The following ELFN2 variants were observed in gnomAD, a reference collection of about 807,000 sequenced individuals.
ELFN2 encodes extracellular leucine rich repeat and fibronectin type III domain containing 2.
A neutral mutation model predicts 45.5 loss-of-function variants in ELFN2; 17 were observed. That is an observed-to-expected ratio of 0.37 (90% CI 0.26 to 0.56). The LOEUF is 0.56. ELFN2 is among the 20% of genes least tolerant of loss of function. The pLI is 0.77. For missense variants in ELFN2, 922 were observed against 1,183.2 expected (o/e 0.78, Z 3.24); for synonymous variants, 550 against 551.5 (o/e 1.00, Z 0.04).
chr22:37,361,659 C>CCCTAG lies in ELFN2; in HGVS notation n.149-18961_149-18957dup, dbSNP rs202039904. 7.6e-3 allele frequency among the ~76,000 whole-genome samples: 1,162 copies of CCCTAG among 152,300 alleles called. 8 individuals carry two copies. The highest frequency in any genetic ancestry group is 0.031 in the Middle Eastern group (9 of 294). Reference sequence around the variant, plus strand: ...CCATTAACTCAGAGCCCAGGCCTATCCCTAGTATTTCCTAGGCCTGGGCGT... The same window carrying CCCTAG: ...CCATTAACTCAGAGCCCAGGCCTATCCCTAGCCTAGTATTTCCTAGGCCTGGGCGT... On this transcript the variant is annotated intron_variant and non_coding_transcript_variant, in intron 1 of 2. Coordinates refer to ENST00000452946, the Ensembl canonical transcript of ELFN2.
chr22:37,406,608 G>C (rs1289664553), intron 2 of ELFN2, among the ~76,000 whole-genome samples: 1 of 152,090 alleles, frequency 6.6e-6, no homozygotes, highest in Non-Finnish European at 1.5e-5. Flanking sequence ...CTCTGCATCT[G>C]CTCAATTAGG....
chr22:37,398,905 C>A (rs2145668667), intron 2 of ELFN2, among the ~76,000 whole-genome samples: 2 of 152,202 alleles, frequency 1.3e-5, no homozygotes, highest in South Asian at 4.2e-4. Context: ...CAGAACAGCA[C>A]CTCCAAGAAA....
intron 2 of ELFN2, among the ~76,000 whole-genome samples, chr22:37,401,378 T>A (rs1057012195): frequency 1.3e-5 from 2 of 152,166 alleles, no homozygotes; most frequent in Non-Finnish European, 2.9e-5. Context: ...GTCTCACAGC[T>A]CTTAGGCAGC....
chr22:37,415,673 T>C (rs1932752649), intron 2 of ELFN2, among the ~76,000 whole-genome samples: 1 of 152,188 alleles, frequency 6.6e-6, no homozygotes, highest in African/African-American at 2.4e-5. Context: ...TTAAAAGTAA[T>C]GATGGTGGGC....
chr22:37,374,986 G>C lies in ELFN2; in HGVS notation c.549C>G (p.Ala183=), dbSNP rs773611766. The change falls in exon 3 of 3, where the codon GCC becomes GCG. Residue 183 remains alanine (A), a synonymous_variant. Coordinates refer to ENST00000402918, the MANE Select transcript of ELFN2 (RefSeq NM_052906.5). The part of the protein sequence containing the change: ...SLASLMVCEL[A]GNPFNCECDL... ...CGCACTCACAGTTGAAGGGGTTGCCGGCCAGCTCACACACCATCAGGCTGG... is the reference window on the plus strand; with the variant it reads ...CGCACTCACAGTTGAAGGGGTTGCCCGCCAGCTCACACACCATCAGGCTGG... 1 of 1,613,272 alleles carries C rather than the reference G, an allele frequency of 6.2e-7. No homozygotes were observed. Among genetic ancestry groups the C allele is most frequent in the South Asian group, 1.1e-5 (1 of 91,076 alleles).
In ELFN2 at chr22:37,360,259, C is replaced by T. The variant is rs149687407; in HGVS notation, n.149-17556G>A. 2.6e-3 allele frequency among the ~76,000 whole-genome samples: 397 copies of T among 152,298 alleles called. 3 individuals carry two copies. Among genetic ancestry groups the T allele is most frequent in the African/African-American group, 9.3e-3 (386 of 41,548 alleles). ...ATTTATGGGTGTAGAGGCAGCCAGGCCTGGGATGGGGACATGAGCTCCTGG... is the reference window on the plus strand; with the variant it reads ...ATTTATGGGTGTAGAGGCAGCCAGGTCTGGGATGGGGACATGAGCTCCTGG... On this transcript the variant is annotated intron_variant and non_coding_transcript_variant, in intron 1 of 2. Coordinates refer to ENST00000452946, the Ensembl canonical transcript of ELFN2.
chr22:37,411,888 C>T (rs971939485), intron 2 of ELFN2, among the ~76,000 whole-genome samples: 9 of 152,052 alleles, frequency 5.9e-5, no homozygotes, highest in Non-Finnish European at 1.5e-5. Flanking sequence ...ATCTAACTCA[C>T]AAGGTCTCAC....
chr22:37,421,186 ATCT>A (rs994806851), intron 1 of ELFN2, among the ~76,000 whole-genome samples: 25 of 152,086 alleles, frequency 1.6e-4, no homozygotes, highest in South Asian at 4.2e-4. Flanking sequence ...GTCCAGACTC[ATCT>A]TCTCAAAATC....
chr22:37,357,516 A>G (rs1245169735), intron 1 of ELFN2, among the ~76,000 whole-genome samples: 2 of 152,070 alleles, frequency 1.3e-5, no homozygotes, highest in Non-Finnish European at 2.9e-5. Flanking sequence ...TTTCTTACTG[A>G]TTTTTAGCCA....
chr22:37,385,257 T>A (rs951437974), intron 2 of ELFN2: 3 of 152,254 alleles, frequency 2.0e-5, no homozygotes, highest in Non-Finnish European at 2.9e-5. Context: ...CTGAGCCAAC[T>A]TTAAACATCT....
intron 2 of ELFN2, among the ~76,000 whole-genome samples, chr22:37,402,477 G>A (rs1232651103): frequency 6.6e-6 from 1 of 152,170 alleles, no homozygotes; most frequent in Non-Finnish European, 1.5e-5. Context: ...CCCACCCCTA[G>A]TTCTTGCCTC....
intron 1 of ELFN2, among the ~76,000 whole-genome samples, chr22:37,343,300 C>G (rs187225730): frequency 1.3e-5 from 2 of 152,286 alleles, no homozygotes; most frequent in South Asian, 2.1e-4. Context: ...CCTGCTCCCC[C>G]GCCCCTATGC....
chr22:37,407,212 T>A (rs1932527638), intron 2 of ELFN2, among the ~76,000 whole-genome samples: 1 of 152,170 alleles, frequency 6.6e-6, no homozygotes, highest in African/African-American at 2.4e-5. Context: ...AAGCCTGCGT[T>A]CAATTACCTG....
intron 2 of ELFN2, among the ~76,000 whole-genome samples, chr22:37,382,685 G>A (rs1384093537): frequency 1.3e-5 from 2 of 151,810 alleles, no homozygotes; most frequent in Non-Finnish European, 2.9e-5. Flanking sequence ...AAGTAGCTGG[G>A]ACCATAGGCG....
At chr22:37,381,885 G>A (rs1459070401) in intron 2 of ELFN2, among the ~76,000 whole-genome samples, 1 of 130,336 alleles carries the variant, frequency 7.7e-6, no homozygotes, top group Non-Finnish European at 1.5e-5. Context: ...GAACCCGGGA[G>A]GCGGAGCGTG....
Position 37,375,346 on chromosome 22 carries a change from G to A in ELFN2, c.189C>T (p.Asn63=), listed in dbSNP as rs759045579. ...AGAGCACGGCTTTGAGCTTGTTCTC[G>A]TTGAGCCGCAGGTCGTGCACGGTGC... ...INSTVHDLRL[N]ENKLKAVLYS... Residue 63 remains asparagine, a synonymous_variant, in exon 3 of 3, where the codon AAC becomes AAT. Transcript: ENST00000402918. 36 of 1,614,154 alleles carry A rather than the reference G, an allele frequency of 2.2e-5. No individual in the cohort carries two copies. Among genetic ancestry groups the A allele is most frequent in the South Asian group, 1.8e-4 (16 of 91,074 alleles).
rs145661445 is a variant in ELFN2 at position 37,417,025 on chromosome 22, C to T, written c.-463+744G>A. On this transcript the variant is annotated intron_variant, in intron 2 of 2. Coordinates refer to ENST00000402918, the MANE Select transcript of ELFN2 (RefSeq NM_052906.5). The surrounding 1 kb of genome is among the most constrained non-coding windows in gnomAD (Gnocchi z 4.5). ...CACGGAGACCACAATGCCACAGAGGCGGCTCCCTCACCACGGCAACCACCG... is the reference window on the plus strand; with the variant it reads ...CACGGAGACCACAATGCCACAGAGGTGGCTCCCTCACCACGGCAACCACCG... Among the ~76,000 whole-genome samples the T allele has an allele frequency of 2.9e-3, 446 of 152,116 alleles. 1 individual carries two copies. Among genetic ancestry groups the T allele is most frequent in the South Asian group, 7.1e-3 (34 of 4,804 alleles).
chr22:37,416,855 T>A (rs190163099), intron 2 of ELFN2, among the ~76,000 whole-genome samples: 2 of 151,950 alleles, frequency 1.3e-5, no homozygotes, highest in African/African-American at 2.4e-5. Flanking sequence ...TCACTACCCC[T>A]TTCCTGGGGA....
intron 1 of ELFN2, among the ~76,000 whole-genome samples, chr22:37,346,129 G>C (rs764982115): frequency 2.0e-5 from 3 of 152,204 alleles, no homozygotes; most frequent in Admixed American, 2.0e-4. Context: ...GAGATAATTC[G>C]GGAAAAGCAC....
Sources: gnomAD v4.1 joint callset for allele counts (sites outside exome capture counted in the v4.1 genomes callset) on GRCh38, gnomAD v4.1.1 for gene constraint, Gnocchi (gnomAD v3.1) non-coding constraint, MANE v1.5 for transcripts, NCBI Gene and HGNC (gene_info 2026-07-23, HGNC 2026-07-21) for gene names.